The following ZNF552 variants were observed in gnomAD, a reference collection of about 807,000 sequenced individuals.
ZNF552 encodes the protein zinc finger protein 552.
A neutral mutation model predicts 7.2 loss-of-function variants in ZNF552; 2 were observed. The ratio of observed to expected loss-of-function variants is 0.28; its 90% CI spans 0.11 to 0.88. The LOEUF is 0.88. Among genes scored for constraint, ZNF552 ranks in the 40% least tolerant of loss-of-function variants. ZNF552 has a pLI of 0.60. For missense variants in ZNF552, 421 were observed against 493.4 expected, an observed-to-expected ratio of 0.85 and a Z score of 1.39; for synonymous variants, 173 against 176.5, an observed-to-expected ratio of 0.98 and a Z score of 0.16.
chr19:57,808,516 TAG>T lies in ZNF552; in HGVS notation c.746_747del (p.Ser249Ter). 6.2e-7 allele frequency: 1 copy of T among 1,613,926 alleles called. No individual in the cohort carries two copies. The highest frequency in any genetic ancestry group is 8.5e-7 in the Non-Finnish European group (1 of 1,179,832). ...PSVWCECGKS[S>X]SKYDSFSNHQ... ...TGATTACTGAAGCTGTCATATTTGC[TAG>T]AGGATTTCCCACATTCACACCACAC... On this transcript the variant is annotated frameshift_variant, in exon 3 of 3. Transcript: ENST00000391701. LOFTEE classifies it low-confidence loss of function (END_TRUNC).
In ZNF552 at chr19:57,807,872, C is replaced by G. The variant is rs1026966275; in HGVS notation, c.*168G>C. On this transcript the variant is annotated 3_prime_UTR_variant, in exon 3 of 3. Coordinates refer to ENST00000391701, the MANE Select transcript of ZNF552 (RefSeq NM_024762.3). The stretch of plus-strand genomic sequence containing the variant: ...CTGAAGGAATACAGAGGTGTGGCTA[C>G]AAAACTGCCCAAATTTATTTTACTT... The G allele has an allele frequency of 2.0e-5, 20 of 997,208 alleles. No individual in the cohort carries two copies. The African/African-American group carries it at 3.1e-4, about 15-fold the overall frequency. 61.8% of individuals were successfully genotyped at this position (997,208 alleles called of 1,614,324 possible). A position where few individuals can be genotyped will look rare whatever the true frequency, so the allele number is the denominator to read the frequency against.
chr19:57,809,326 C>CA, intron 2 of ZNF552: 1 of 995,688 alleles, frequency 1.0e-6, no homozygotes, highest in Admixed American at 2.1e-5. Flanking sequence ...ATGTATGTAA[C>CA]ACAGGGAGTA....
In ZNF552 at chr19:57,808,046, G is replaced by A; in HGVS notation, c.1218C>T (p.Gly406=). The change falls in exon 3 of 3, where the codon GGC becomes GGT. Residue 406 remains glycine, a synonymous_variant. Transcript: ENST00000391701. ...GAGACTGGACTCACTGCACTCATAA[G>A]CCCTTTCTTTTGTGAACTCTCTGAT... ...RHHQRVHKRK[G]L 6.2e-7 allele frequency: 1 copy of A among 1,608,356 alleles called. No individual in the cohort carries two copies. The highest frequency in any genetic ancestry group is 8.5e-7 in the Non-Finnish European group (1 of 1,177,050).
chr19:57,813,453 C>A, intron 1 of ZNF552, 33 bp from the exon 2 acceptor site: 1 of 1,604,176 alleles, frequency 6.2e-7, no homozygotes, highest in East Asian at 2.2e-5. Context: ...AACCACAAAC[C>A]ACCCCTATGC....
At chr19:57,812,028 C>CAAAAAA (rs35699223) in intron 2 of ZNF552, among the ~76,000 whole-genome samples, 3 of 63,758 alleles carry the variant, frequency 4.7e-5, no homozygotes, top group East Asian at 8.5e-4. Flanking sequence ...GACTCTGTCT[C>CAAAAAA]AAAAAAAAAA....
Position 57,814,834 on chromosome 19 carries a change from A to T in ZNF552, c.-91T>A. 7.5e-7 allele frequency: 1 copy of T among 1,331,920 alleles called. No homozygotes were observed. The highest frequency in any genetic ancestry group is 1.3e-5 in the South Asian group (1 of 78,270). 82.5% of individuals were successfully genotyped at this position (1,331,920 alleles called of 1,614,324 possible). ...TGTGCAAAGAGAAGAACGACTCTCG[A>T]CCTCCTGGATCCAGTCACCACCACG... is the stretch of plus-strand genomic sequence containing the variant. On this transcript the variant is annotated 5_prime_UTR_variant, in exon 1 of 3. Coordinates refer to ENST00000391701, the MANE Select transcript of ZNF552 (RefSeq NM_024762.3).
chr19:57,809,646 T>TAAA (rs5828732), intron 2 of ZNF552, among the ~76,000 whole-genome samples: 1 of 144,918 alleles, frequency 6.9e-6, no homozygotes, highest in African/African-American at 2.5e-5. Context: ...TTAAAGGATT[T>TAAA]AAAAAAAAAA....
Position 57,807,972 on chromosome 19 carries a change from T to C in ZNF552, c.*68A>G, listed in dbSNP as rs917700141. ...CCTTTGGGTAAACATTTTCCACATT[T>C]GCTGCAATCACAGGATCTTACTCAG... On this transcript the variant is annotated 3_prime_UTR_variant, in exon 3 of 3. Coordinates refer to ENST00000391701, the MANE Select transcript of ZNF552 (RefSeq NM_024762.3). 6.7e-7 allele frequency: 1 copy of C among 1,500,916 alleles called. No homozygotes were observed. The highest frequency in any genetic ancestry group is 1.4e-5 in the African/African-American group (1 of 71,392). 93.0% of individuals were successfully genotyped at this position (1,500,916 alleles called of 1,614,324 possible).
At position 57,814,856 on chromosome 19, in the gene ZNF552, C is replaced by T. The variant is rs757401319; in HGVS notation, c.-113G>A. On this transcript the variant is annotated 5_prime_UTR_variant, in exon 1 of 3. Transcript: ENST00000391701. ...TCGACCTCCTGGATCCAGTCACCAC[C>T]ACGGTCCCAACACAGCGCTCCAAGG... 181 of 1,150,788 alleles carry T rather than the reference C, an allele frequency of 1.6e-4. No homozygotes were observed. The highest frequency in any genetic ancestry group is 2.2e-4 in the Non-Finnish European group (176 of 815,834). 71.3% of individuals were successfully genotyped at this position (1,150,788 alleles called of 1,614,324 possible).
At chr19:57,811,733 A>AC (rs1391488201) in intron 2 of ZNF552, among the ~76,000 whole-genome samples, 4 of 150,246 alleles carry the variant, frequency 2.7e-5, no homozygotes, top group Non-Finnish European at 5.9e-5. Context: ...AAAAAAAAAA[A>AC]AAAAACAATG....
At position 57,808,097 on chromosome 19, in the gene ZNF552, A is replaced by T; in HGVS notation, c.1167T>A (p.Phe389Leu). The T allele has an allele frequency of 6.2e-7, 1 of 1,614,076 alleles. No individual in the cohort carries two copies. The highest frequency in any genetic ancestry group is 1.3e-5 in the African/African-American group (1 of 75,004). The change falls in exon 3 of 3, where the codon TTT becomes TTA. Residue 389 changes from phenylalanine to leucine, a missense_variant. Phe to Leu is a conservative substitution (Grantham distance 22). Around this residue, in one of 2 missense-constraint regions of ZNF552, gnomAD observed 299 missense variants for 293.7 expected, o/e 1.02. Transcript: ENST00000391701. ...PYGCSECEKKFRQISSLRHHQ... is the reference protein window; with the variant it reads ...PYGCSECEKKLRQISSLRHHQ... ...GATGACGAAGTGAAGAGATTTGCCT[A>T]AATTTTTTTTCACATTCACTGCACC...
chr19:57,812,111 G>T (rs149645542), intron 2 of ZNF552, among the ~76,000 whole-genome samples: 1 of 150,894 alleles, frequency 6.6e-6, no homozygotes, highest in Non-Finnish European at 1.5e-5. Flanking sequence ...TGAAGCAGGA[G>T]AAGTGCTTCA....
intron 2 of ZNF552, among the ~76,000 whole-genome samples, chr19:57,811,405 G>C (rs1030282972): frequency 6.6e-6 from 1 of 151,980 alleles, no homozygotes; most frequent in South Asian, 2.1e-4. Context: ...CTCGTGATCC[G>C]CCTGCCTCGG....
At chr19:57,812,619 A>G (rs1987878799) in intron 2 of ZNF552, among the ~76,000 whole-genome samples, 1 of 152,190 alleles carries the variant, frequency 6.6e-6, no homozygotes, top group African/African-American at 2.4e-5. Flanking sequence ...CTCAGGCTGG[A>G]GCGCAGTGGC....
In ZNF552 at chr19:57,814,833, G is replaced by C; in HGVS notation, c.-90C>G. ...CTGTGCAAAGAGAAGAACGACTCTC[G>C]ACCTCCTGGATCCAGTCACCACCAC... On this transcript the variant is annotated 5_prime_UTR_variant, in exon 1 of 3. Coordinates refer to ENST00000391701, the MANE Select transcript of ZNF552 (RefSeq NM_024762.3). The C allele has an allele frequency of 7.5e-7, 1 of 1,326,590 alleles. No individual in the cohort carries two copies. The highest frequency in any genetic ancestry group is 1.0e-6 in the Non-Finnish European group (1 of 958,186). The allele number at this position is 1,326,590 out of a possible 1,614,324, so 82.2% of individuals were successfully genotyped here. A position where few individuals can be genotyped will look rare whatever the true frequency, so the allele number is the denominator to read the frequency against.
chr19:57,807,905 C>G lies in ZNF552; in HGVS notation c.*135G>C. ...CCCAAATTTATTTTACTTGTAAGGA[C>G]TCTTCTCTAGTGTGAACTCTCCAAT... On this transcript the variant is annotated 3_prime_UTR_variant, in exon 3 of 3. Transcript: ENST00000391701. The G allele has an allele frequency of 8.3e-7, 1 of 1,201,922 alleles. No individual in the cohort carries two copies. Among genetic ancestry groups the G allele is most frequent in the Non-Finnish European group, 1.1e-6 (1 of 872,152 alleles). 74.5% of individuals were successfully genotyped at this position (1,201,922 alleles called of 1,614,324 possible).
chr19:57,813,497 A>C, intron 1 of ZNF552, 77 bp from the exon 2 acceptor site: 3 of 1,507,126 alleles, frequency 2.0e-6, no homozygotes, highest in Non-Finnish European at 2.7e-6. Context: ...CCACACATCT[A>C]CTCTCGCACA....
rs201494189 is a variant in ZNF552 at position 57,808,717 on chromosome 19, C to G, written c.547G>C (p.Gly183Arg). The G allele has an allele frequency of 6.2e-7, 1 of 1,614,158 alleles. No individual in the cohort carries two copies. Among genetic ancestry groups the G allele is most frequent in the Non-Finnish European group, 8.5e-7 (1 of 1,180,036 alleles). ...ESGKDFLLRSGLLQQEATHTG... is the reference protein window; with the variant it reads ...ESGKDFLLRSRLLQQEATHTG... ...TGAGTGGCCTCTTGCTGGAGTAATC[C>G]TGACCTGAGCAAAAAGTCTTTCCCA... The change falls in exon 3 of 3, where the codon GGA becomes CGA. Residue 183 changes from glycine (G) to arginine (R), a missense_variant. Physicochemically the swap from Gly to Arg is moderately radical, Grantham distance 125 (BLOSUM62 -2). Transcript: ENST00000391701.
rs376492950 is a variant in ZNF552 at position 57,814,572 on chromosome 19, AG to A, written c.33+138del. 56 of 1,558,534 alleles carry A rather than the reference AG, an allele frequency of 3.6e-5. No individual in the cohort carries two copies. In the African/African-American group the frequency reaches 6.5e-4, roughly 18 times the overall value. The stretch of plus-strand genomic sequence containing the variant: ...ACCGCATCCCACGGGTGTCTGAAAC[AG>A]GGATCCCTCCCGAGAGCGCCTCAGT... On this transcript the variant is annotated intron_variant, in intron 1 of 2. Coordinates refer to ENST00000391701, the MANE Select transcript of ZNF552 (RefSeq NM_024762.3).
Sources: gnomAD v4.1 joint callset for allele counts (sites outside exome capture counted in the v4.1 genomes callset) on GRCh38, gnomAD v4.1.1 for gene constraint, gnomAD v4.1.1 regional missense constraint, MANE v1.5 for transcripts, NCBI Gene and HGNC (gene_info 2026-07-23, HGNC 2026-07-21) for gene names.